CNTN1: variants seen among roughly 807,000 people sequenced by gnomAD.
CNTN1 encodes the protein contactin-1.
CNTN1 carries 38 observed loss-of-function variants against 126.4 expected under a neutral mutation model. That is an observed-to-expected ratio of 0.30 (90% CI 0.23 to 0.39). CNTN1 has a LOEUF of 0.39. Among genes scored for constraint, CNTN1 ranks in the 10% least tolerant of loss-of-function variants. CNTN1 has a pLI of 1.00. For missense variants in CNTN1, 1,009 were observed against 1,248.4 expected (o/e 0.81, Z 2.89); for synonymous variants, 413 against 422.6 (o/e 0.98, Z 0.28).
chr12:40,956,264 T>C (rs1946877242), intron 14 of CNTN1, among the ~76,000 whole-genome samples: 9 of 152,090 alleles, frequency 5.9e-5, no homozygotes, highest in Admixed American at 5.9e-4. Flanking sequence ...TATACATATA[T>C]AACACAGGGA....
At chr12:40,768,938 CAT>C (rs1263367862) in intron 1 of CNTN1, among the ~76,000 whole-genome samples, 1 of 151,992 alleles carries the variant, frequency 6.6e-6, no homozygotes, top group African/African-American at 2.4e-5. Context: ...TATGTTATTG[CAT>C]ATGTTCATAT....
chr12:40,874,834 C>T (rs1276757203), intron 1 of CNTN1, among the ~76,000 whole-genome samples: 1 of 152,168 alleles, frequency 6.6e-6, no homozygotes, highest in Non-Finnish European at 1.5e-5. Flanking sequence ...CTAATGCTTA[C>T]TTCTCAGGCA....
intron 21 of CNTN1, among the ~76,000 whole-genome samples, 200 bp from the exon 22 acceptor site, chr12:41,027,657 T>G (rs559600205): frequency 2.6e-5 from 4 of 152,274 alleles, no homozygotes; most frequent in African/African-American, 9.6e-5. Context: ...TCATATTACC[T>G]AGCTCACAGG....
chr12:40,947,764 C>CATATATATATATATATAT (rs34815270), intron 14 of CNTN1, among the ~76,000 whole-genome samples: 3 of 68,272 alleles, frequency 4.4e-5, no homozygotes, highest in South Asian at 4.4e-4. Context: ...GTCACTATTT[C>CATATATATATATATATAT]ATATATATAT....
intron 17 of CNTN1, among the ~76,000 whole-genome samples, chr12:40,996,178 T>C (rs1948210816): frequency 1.3e-5 from 2 of 152,046 alleles, no homozygotes; most frequent in Non-Finnish European, 2.9e-5. Context: ...GGCTCTTTTT[T>C]TGGAGTGCAG....
intron 1 of CNTN1, among the ~76,000 whole-genome samples, chr12:40,739,835 T>C (rs1937860905): frequency 1.3e-5 from 2 of 152,068 alleles, no homozygotes; most frequent in African/African-American, 4.8e-5. Flanking sequence ...GGAGAAACCA[T>C]ATTGAAATAA....
intron 1 of CNTN1, among the ~76,000 whole-genome samples, chr12:40,879,146 T>A (rs1432262081): frequency 6.6e-6 from 1 of 152,158 alleles, no homozygotes; most frequent in Non-Finnish European, 1.5e-5. Context: ...TGGTTTTTCA[T>A]GTTGAAATTT....
intron 23 of CNTN1, among the ~76,000 whole-genome samples, chr12:41,044,546 A>G (rs1949499099): frequency 6.6e-6 from 1 of 151,972 alleles, no homozygotes; most frequent in South Asian, 2.1e-4. Flanking sequence ...GTTATTCCAC[A>G]ATTTTGAAAT....
chr12:41,020,445 GT>G lies in CNTN1; in HGVS notation c.2523+7del. 1 of 1,566,728 alleles carries G rather than the reference GT, an allele frequency of 6.4e-7. No homozygotes were observed. Among genetic ancestry groups the G allele is most frequent in the Non-Finnish European group, 8.8e-7 (1 of 1,138,076 alleles). On this transcript the variant is annotated splice_donor_region_variant and intron_variant, in intron 20 of 23. Coordinates refer to ENST00000551295, the MANE Select transcript of CNTN1 (RefSeq NM_001843.4). ...AAAATAGTGGAAAGCTATCAGGTAC[GT>G]TAAATTTTTATCAAACTAAATACAT...
intron 1 of CNTN1, among the ~76,000 whole-genome samples, chr12:40,897,737 G>A (rs560165033): frequency 2.0e-5 from 3 of 152,244 alleles, no homozygotes; most frequent in Admixed American, 2.0e-4. Flanking sequence ...TGGTTTGGGG[G>A]CACCAGGTTA....
At chr12:41,022,907 CT>C (rs1948952826) in intron 20 of CNTN1, among the ~76,000 whole-genome samples, 1 of 152,008 alleles carries the variant, frequency 6.6e-6, no homozygotes, top group African/African-American at 2.4e-5. Context: ...TCTTAAAATC[CT>C]TTTAAACCTT....
At chr12:40,759,762 C>T (rs1938774069) in intron 1 of CNTN1, among the ~76,000 whole-genome samples, 2 of 146,376 alleles carry the variant, frequency 1.4e-5, no homozygotes, top group African/African-American at 2.6e-5. Context: ...AGCCACCTCA[C>T]TTGGCCCAGA....
chr12:41,043,348 A>G (rs1490074948), intron 23 of CNTN1, among the ~76,000 whole-genome samples: 4 of 152,194 alleles, frequency 2.6e-5, no homozygotes, highest in Non-Finnish European at 5.9e-5. Flanking sequence ...AAGGACATGA[A>G]CAGACACTTC....
chr12:40,741,106 T>A (rs1339633940), intron 1 of CNTN1, among the ~76,000 whole-genome samples: 1 of 152,108 alleles, frequency 6.6e-6, no homozygotes, highest in Non-Finnish European at 1.5e-5. Flanking sequence ...GTAAATGAAG[T>A]GACCTATGGA....
At chr12:40,803,323 T>C (rs1220895590) in intron 1 of CNTN1, among the ~76,000 whole-genome samples, 1 of 152,036 alleles carries the variant, frequency 6.6e-6, no homozygotes, top group Non-Finnish European at 1.5e-5. Flanking sequence ...TATTCATTTG[T>C]AAACTGCCCG....
At chr12:40,880,756 C>T (rs991600011) in intron 1 of CNTN1, among the ~76,000 whole-genome samples, 9 of 152,064 alleles carry the variant, frequency 5.9e-5, no homozygotes, top group African/African-American at 2.2e-4. Flanking sequence ...TACTCTGGAA[C>T]ACAGATGATT....
intron 3 of CNTN1, among the ~76,000 whole-genome samples, chr12:40,914,115 T>C (rs185384224): frequency 6.6e-6 from 1 of 152,336 alleles, no homozygotes; most frequent in East Asian, 1.9e-4. Flanking sequence ...GTTTGTTTCT[T>C]ATGCCTTTTA....
chr12:40,739,711 G>T (rs1038503913), intron 1 of CNTN1, among the ~76,000 whole-genome samples: 2 of 151,962 alleles, frequency 1.3e-5, no homozygotes, highest in Non-Finnish European at 2.9e-5. Context: ...TTTGACAGAG[G>T]TTGTTTACTA....
chr12:41,005,433 CT>C (rs1209499933), intron 17 of CNTN1, among the ~76,000 whole-genome samples: 4 of 151,298 alleles, frequency 2.6e-5, no homozygotes, highest in African/African-American at 9.7e-5. Flanking sequence ...TGTGAAGTAC[CT>C]TACTGTGGTT....
Sources: gnomAD v4.1 joint callset for allele counts (sites outside exome capture counted in the v4.1 genomes callset) on GRCh38, gnomAD v4.1.1 for gene constraint, MANE v1.5 for transcripts, NCBI Gene and HGNC (gene_info 2026-07-23, HGNC 2026-07-21) for gene names.